The following SPATA6 variants were observed in gnomAD, a reference collection of about 807,000 sequenced individuals.
SPATA6 encodes the protein spermatogenesis associated 6.
A neutral mutation model predicts 65.3 loss-of-function variants in SPATA6; 56 were observed. The ratio of observed to expected loss-of-function variants is 0.86; its 90% CI spans 0.69 to 1.07. The LOEUF is 1.07. SPATA6 is among the 50% of genes least tolerant of loss of function. SPATA6 has a pLI of 0.00. For missense variants in SPATA6, 590 were observed against 594.8 expected, an observed-to-expected ratio of 0.99 and a Z score of 0.08; for synonymous variants, 199 against 213.2, an observed-to-expected ratio of 0.93 and a Z score of 0.58.
chr1:48,281,081 A>T, the SPATA6 span, among the ~76,000 whole-genome samples: 1 of 152,328 alleles, frequency 6.6e-6, no homozygotes, highest in East Asian at 1.9e-4. Context: ...AAAGACAAAC[A>T]CCACATGATT....
intron 9 of SPATA6, among the ~76,000 whole-genome samples, chr1:48,367,961 T>C (rs1425125769): frequency 6.6e-6 from 1 of 152,220 alleles, no homozygotes; most frequent in Non-Finnish European, 1.5e-5. Context: ...GTTTAGTGCT[T>C]CCTTCAGGAG....
At chr1:48,286,665 T>C in the SPATA6 span, among the ~76,000 whole-genome samples, 1 of 152,180 alleles carries the variant, frequency 6.6e-6, no homozygotes, top group Non-Finnish European at 1.5e-5. Context: ...TTATTCTGGC[T>C]AGGTAATATA....
chr1:48,313,277 T>C (rs1400686116), intron 11 of SPATA6, among the ~76,000 whole-genome samples: 1 of 152,130 alleles, frequency 6.6e-6, no homozygotes, highest in African/African-American at 2.4e-5. Flanking sequence ...GGCAAAAATG[T>C]TAAGGGCAGC....
At chr1:48,337,145 A>C (rs1646083115) in intron 11 of SPATA6, among the ~76,000 whole-genome samples, 1 of 151,930 alleles carries the variant, frequency 6.6e-6, no homozygotes, top group Admixed American at 6.6e-5. Flanking sequence ...CAAAAATCTT[A>C]GGTATAATAT....
chr1:48,394,040 CAT>C (rs1650329587), intron 8 of SPATA6, among the ~76,000 whole-genome samples: 1 of 152,004 alleles, frequency 6.6e-6, no homozygotes, highest in Admixed American at 6.6e-5. Context: ...TACACAGACT[CAT>C]ATACAGACAG....
downstream of SPATA6, among the ~76,000 whole-genome samples, chr1:48,291,239 A>G (rs187134261): frequency 2.6e-5 from 4 of 152,200 alleles, no homozygotes; most frequent in African/African-American, 9.7e-5. Context: ...TTTCAAAAGC[A>G]TATCAGCTGG....
chr1:48,409,943 T>G (rs1351702736), intron 5 of SPATA6, among the ~76,000 whole-genome samples: 1 of 152,252 alleles, frequency 6.6e-6, no homozygotes, highest in Admixed American at 6.5e-5. Context: ...TGACATGCCC[T>G]GGAGACATCT....
intron 9 of SPATA6, among the ~76,000 whole-genome samples, chr1:48,378,667 A>G (rs1648204887): frequency 1.3e-5 from 2 of 152,216 alleles, no homozygotes; most frequent in Admixed American, 1.3e-4. Flanking sequence ...CTGTCATGAG[A>G]ATAACATGGG....
downstream of SPATA6, among the ~76,000 whole-genome samples, chr1:48,292,905 C>G (rs992785852): frequency 6.6e-6 from 1 of 152,160 alleles, no homozygotes; most frequent in Non-Finnish European, 1.5e-5. Flanking sequence ...CCCACAGAGG[C>G]GCTGGCTGGG....
intron 3 of SPATA6, among the ~76,000 whole-genome samples, chr1:48,431,423 C>G (rs914283213): frequency 1.3e-5 from 2 of 152,026 alleles, no homozygotes; most frequent in Non-Finnish European, 2.9e-5. Context: ...AACCAAATAG[C>G]TCTAACAGAT....
intron 3 of SPATA6, among the ~76,000 whole-genome samples, chr1:48,428,893 T>TGTG (rs1557698908): frequency 8.1e-6 from 1 of 123,806 alleles, no homozygotes; most frequent in East Asian, 2.3e-4. Flanking sequence ...GTGTGTGTGT[T>TGTG]TGTGTGTGTG....
chr1:48,398,956 A>C (rs1383623315), intron 7 of SPATA6: 1 of 155,376 alleles, frequency 6.4e-6, no homozygotes, highest in Non-Finnish European at 1.4e-5. Flanking sequence ...TTCCATTTTA[A>C]TTTTTATAAT....
intron 11 of SPATA6, among the ~76,000 whole-genome samples, chr1:48,334,838 A>G (rs746166922): frequency 1.3e-5 from 2 of 152,142 alleles, no homozygotes; most frequent in African/African-American, 4.8e-5. Flanking sequence ...AAGAAGTAGT[A>G]AAACTATCCC....
intron 3 of SPATA6, among the ~76,000 whole-genome samples, chr1:48,437,809 G>A (rs1655078389): frequency 1.3e-5 from 2 of 151,264 alleles, no homozygotes; most frequent in Non-Finnish European, 2.9e-5. Context: ...TTAAAAAAGG[G>A]GGCTAAAGTA....
At chr1:48,421,880 G>A (rs1278603382) in intron 3 of SPATA6, among the ~76,000 whole-genome samples, 2 of 152,024 alleles carry the variant, frequency 1.3e-5, no homozygotes, top group Admixed American at 6.6e-5. Context: ...TGGGAAGAAT[G>A]GAAATGTAAA....
chr1:48,377,258 A>G (rs1197679068), intron 9 of SPATA6, among the ~76,000 whole-genome samples: 2 of 152,112 alleles, frequency 1.3e-5, no homozygotes, highest in African/African-American at 4.8e-5. Context: ...ATTTGCTCCC[A>G]TTGTACTTAG....
chr1:48,313,581 T>G (rs949763999), intron 11 of SPATA6, among the ~76,000 whole-genome samples: 1 of 152,150 alleles, frequency 6.6e-6, no homozygotes, highest in South Asian at 2.1e-4. Flanking sequence ...TACCAGCCAC[T>G]GCAAAAACAT....
At chr1:48,313,798 C>G (rs1291272150) in intron 11 of SPATA6, among the ~76,000 whole-genome samples, 1 of 151,976 alleles carries the variant, frequency 6.6e-6, no homozygotes, top group African/African-American at 2.4e-5. Context: ...CTCAGGAGAC[C>G]CATCTTATGT....
At chr1:48,291,940 T>C (rs1300775782), downstream of SPATA6, among the ~76,000 whole-genome samples, 1 of 152,188 alleles carries the variant, frequency 6.6e-6, no homozygotes, top group African/African-American at 2.4e-5. Context: ...TTTGTTGAAG[T>C]TGTCATTTTG....
Sources: gnomAD v4.1 joint callset for allele counts (sites outside exome capture counted in the v4.1 genomes callset) on GRCh38, gnomAD v4.1.1 for gene constraint, MANE v1.5 for transcripts, NCBI Gene and HGNC (gene_info 2026-07-23, HGNC 2026-07-21) for gene names.